The following PEX13 variants were observed in gnomAD, a reference collection of about 807,000 sequenced individuals.
PEX13 encodes peroxisome biogenesis factor 13.
A neutral mutation model predicts 34.5 loss-of-function variants in PEX13; 28 were observed. The observed-to-expected ratio is 0.81, with a 90% CI of 0.60 to 1.11. The LOEUF is 1.11. Ranked by LOEUF, PEX13 falls within the 50% of genes most tolerant of loss-of-function variation. PEX13 has a pLI of 0.00. For missense variants in PEX13, 550 were observed against 491.0 expected (o/e 1.12, Z -1.13); for synonymous variants, 177 against 175.1 (o/e 1.01, Z -0.09).
chr2:61,019,004 T>G (rs996087774), intron 1 of PEX13: 1 of 152,318 alleles, frequency 6.6e-6, no homozygotes, highest in African/African-American at 2.4e-5. Context: ...TACTCAACTT[T>G]AAACAGTGTT....
intron 3 of PEX13, among the ~76,000 whole-genome samples, chr2:61,047,157 T>G (rs1559046111): frequency 6.6e-6 from 1 of 151,982 alleles, no homozygotes. Context: ...TATTTTTCTT[T>G]CTTTTTTTTT....
At chr2:61,028,291 C>T (rs926552069) in intron 1 of PEX13, among the ~76,000 whole-genome samples, 3 of 151,994 alleles carry the variant, frequency 2.0e-5, no homozygotes, top group African/African-American at 7.2e-5. Flanking sequence ...GCAATCAAAC[C>T]GTTAAATGCA....
chr2:61,027,883 T>A (rs979420552), intron 1 of PEX13, among the ~76,000 whole-genome samples: 1 of 152,216 alleles, frequency 6.6e-6, no homozygotes, highest in Admixed American at 6.5e-5. Flanking sequence ...GTTCCATTTT[T>A]AAATATCAGA....
intron 1 of PEX13, among the ~76,000 whole-genome samples, chr2:61,023,402 G>GACACACAC (rs70959888): frequency 1.6e-4 from 24 of 146,782 alleles, no homozygotes; most frequent in Non-Finnish European, 2.6e-4. Flanking sequence ...GGAATATACA[G>GACACACAC]ACACACACAC....
In PEX13 at chr2:61,050,468, C is replaced by G. The variant is rs1680778443; in HGVS notation, c.*1698C>G. On this transcript the variant is annotated 3_prime_UTR_variant, in exon 4 of 4. Transcript: ENST00000295030. ...TTAAATGCAGTTAACTTTCAGTACA[C>G]TGAATATTTCCCCAGAAAATTGGAA... 1 of 152,330 alleles carries G rather than the reference C, an allele frequency of 6.6e-6. No individual in the cohort carries two copies. Among genetic ancestry groups the G allele is most frequent in the African/African-American group, 2.4e-5 (1 of 41,444 alleles). The allele number at this position is 152,330 out of a possible 1,614,324, so 9.4% of individuals were successfully genotyped here.
chr2:61,023,652 A>G (rs190956306), intron 1 of PEX13, among the ~76,000 whole-genome samples: 2 of 151,558 alleles, frequency 1.3e-5, no homozygotes, highest in Non-Finnish European at 2.9e-5. Flanking sequence ...CTATTAAGAC[A>G]TTTATTGTTT....
intron 1 of PEX13, chr2:61,018,722 G>A (rs115613854): frequency 6.5e-6 from 1 of 153,610 alleles, no homozygotes; most frequent in African/African-American, 2.4e-5. Flanking sequence ...ACACTAAAAT[G>A]CTTTAACACA....
rs770724196 is a variant in PEX13 at position 61,031,396 on chromosome 2, T to G, written c.93-23T>G. On this transcript the variant is annotated intron_variant, in intron 1 of 3. Coordinates refer to ENST00000295030, the MANE Select transcript of PEX13 (RefSeq NM_002618.4). ...AATTTATTGTATGCTTAAATAACTG[T>G]TTTGAATCTTTTTTGGTTTTAGATC... 4.5e-6 allele frequency: 7 copies of G among 1,563,018 alleles called. No individual in the cohort carries two copies. In the East Asian group the frequency reaches 1.6e-4, roughly 35 times the overall value.
chr2:61,022,312 A>G (rs7591700), intron 1 of PEX13, among the ~76,000 whole-genome samples: 10,072 of 152,304 alleles, frequency 0.066, 1,128 homozygotes, highest in African/African-American at 0.23. Flanking sequence ...TTACTAGAAT[A>G]AACAGTGTAG....
chr2:61,023,402 GACAC>G (rs70959888), intron 1 of PEX13, among the ~76,000 whole-genome samples: 8 of 146,686 alleles, frequency 5.5e-5, no homozygotes, highest in African/African-American at 7.5e-5. Flanking sequence ...GGAATATACA[GACAC>G]ACACACACAC....
chr2:61,050,375 C>G lies in PEX13; in HGVS notation c.*1605C>G, dbSNP rs1047524376. On this transcript the variant is annotated 3_prime_UTR_variant, in exon 4 of 4. Transcript: ENST00000295030. ...TAGGGGACAGAGCAAGACTCTGTCT[C>G]AAAACAAACAAACAAAAAATAATAA... 5.3e-5 allele frequency: 8 copies of G among 152,072 alleles called. No individual in the cohort carries two copies. The highest frequency in any genetic ancestry group is 1.2e-4 in the African/African-American group (5 of 41,426). 9.4% of individuals were successfully genotyped at this position (152,072 alleles called of 1,614,324 possible).
Position 61,032,009 on chromosome 2 carries a change from C to G in PEX13, c.683C>G (p.Ala228Gly). ...VACLGAEDRA[A>G]TSAKSWPIFL... ...TGCCTTGGTGCTGAGGACCGAGCAG[C>G]TACCTCAGCAAAATCTTGGCCAATA... The change falls in exon 2 of 4, where the codon GCT becomes GGT. Residue 228 changes from alanine (A) to glycine (G), a missense_variant. Transcript: ENST00000295030. The G allele has an allele frequency of 6.2e-7, 1 of 1,613,086 alleles. No homozygotes were observed. The highest frequency in any genetic ancestry group is 2.2e-5 in the East Asian group (1 of 44,864).
rs767194360 is a variant in PEX13, at chr2:61,032,460, T to C, written c.787+347T>C. Among the ~76,000 whole-genome samples, 7 of 152,300 alleles carry C rather than the reference T, an allele frequency of 4.6e-5. No individual in the cohort carries two copies. The East Asian group carries it at 5.8e-4, about 13-fold the overall frequency. ...GAGGCAGAAAGTGTGATAAGAAATA[T>C]AACAATTGGGGAGAGACATAAGGTT... On this transcript the variant is annotated intron_variant, in intron 2 of 3. Coordinates refer to ENST00000295030, the MANE Select transcript of PEX13 (RefSeq NM_002618.4).
intron 2 of PEX13, among the ~76,000 whole-genome samples, chr2:61,042,467 G>A (rs1413152707): frequency 6.6e-6 from 1 of 151,996 alleles, no homozygotes; most frequent in African/African-American, 2.4e-5. Context: ...TCAAGGCACA[G>A]TATAGTATGA....
intron 1 of PEX13, chr2:61,019,044 C>G (rs1414565370): frequency 6.6e-6 from 1 of 152,192 alleles, no homozygotes; most frequent in East Asian, 1.9e-4. Context: ...TCGAATTTTT[C>G]AAAATAAAAG....
In PEX13 at chr2:61,051,649, A is replaced by G. The variant is rs1025886836; in HGVS notation, c.*2879A>G. The stretch of plus-strand genomic sequence containing the variant: ...AATATTATTTTTAGGAACTTATTTA[A>G]GGAGTGCTACTTTACAGAAATTACT... On this transcript the variant is annotated 3_prime_UTR_variant, in exon 4 of 4. Transcript: ENST00000295030. The G allele has an allele frequency of 6.6e-6, 1 of 152,264 alleles. No individual in the cohort carries two copies. Among genetic ancestry groups the G allele is most frequent in the Non-Finnish European group, 1.5e-5 (1 of 68,030 alleles). The allele number at this position is 152,264 out of a possible 1,614,324, so 9.4% of individuals were successfully genotyped here. A position where few individuals can be genotyped will look rare whatever the true frequency, so the allele number is the denominator to read the frequency against.
At position 61,051,175 on chromosome 2, in the gene PEX13, C is replaced by T. The variant is rs1680792581; in HGVS notation, c.*2405C>T. 1 of 152,140 alleles carries T rather than the reference C, an allele frequency of 6.6e-6. No individual in the cohort carries two copies. The highest frequency in any genetic ancestry group is 2.4e-5 in the African/African-American group (1 of 41,402). The allele number at this position is 152,140 out of a possible 1,614,324, so 9.4% of individuals were successfully genotyped here. ...CAGTTTTCCAACACCCAGGTATTAGCCTTGAAGTTGAAGAGATAAGGTTTC... is the reference window on the plus strand; with the variant it reads ...CAGTTTTCCAACACCCAGGTATTAGTCTTGAAGTTGAAGAGATAAGGTTTC... On this transcript the variant is annotated 3_prime_UTR_variant, in exon 4 of 4. Coordinates refer to ENST00000295030, the MANE Select transcript of PEX13 (RefSeq NM_002618.4).
chr2:61,019,363 A>AT (rs1188047887), intron 1 of PEX13, among the ~76,000 whole-genome samples: 1 of 151,770 alleles, frequency 6.6e-6, no homozygotes, highest in Admixed American at 6.6e-5. Context: ...TTTTGCTAAT[A>AT]TTTTTCACTG....
chr2:61,040,977 G>A (rs1389177398), intron 2 of PEX13, among the ~76,000 whole-genome samples: 1 of 151,946 alleles, frequency 6.6e-6, no homozygotes, highest in Non-Finnish European at 1.5e-5. Context: ...TAATTCAAGT[G>A]AGAAGTGATG....
Sources: allele counts gnomAD v4.1 joint callset (sites outside exome capture counted in the v4.1 genomes callset), GRCh38; gene constraint gnomAD v4.1.1; transcripts MANE v1.5; gene names NCBI Gene and HGNC (gene_info 2026-07-23, HGNC 2026-07-21).